The following CSRNP3 variants were observed in gnomAD, a reference collection of about 807,000 sequenced individuals.
CSRNP3 encodes cysteine/serine-rich nuclear protein 3.
CSRNP3 carries 12 observed loss-of-function variants against 48.0 expected under a neutral mutation model. The ratio of observed to expected loss-of-function variants is 0.25; its 90% CI spans 0.16 to 0.41. The LOEUF is 0.41. Among genes scored for constraint, CSRNP3 ranks in the 10% least tolerant of loss-of-function variants. The pLI is 1.00. For synonymous variants in CSRNP3, 263 were observed against 269.7 expected (o/e 0.98, Z 0.24); for missense variants, 580 against 724.4 (o/e 0.80, Z 2.29).
At chr2:165,642,930 T>C (rs765560704) in intron 4 of CSRNP3, among the ~76,000 whole-genome samples, 33 of 152,110 alleles carry the variant, frequency 2.2e-4, no homozygotes, top group African/African-American at 8.0e-4. Context: ...GAAACTCCGA[T>C]AAAGATTGTT....
At chr2:165,477,169 C>A (rs904562762) in intron 1 of CSRNP3, among the ~76,000 whole-genome samples, 1 of 151,806 alleles carries the variant, frequency 6.6e-6, no homozygotes, top group Admixed American at 6.6e-5. Flanking sequence ...AAAATTGGGG[C>A]ATAGATCTCA....
intron 3 of CSRNP3, among the ~76,000 whole-genome samples, chr2:165,563,292 T>G (rs1017162808): frequency 6.6e-6 from 1 of 152,144 alleles, no homozygotes; most frequent in South Asian, 2.1e-4. Flanking sequence ...CTTAGGAGTA[T>G]GCACCTGTAA....
At chr2:165,492,379 C>G (rs925151797) in intron 1 of CSRNP3, among the ~76,000 whole-genome samples, 8 of 152,136 alleles carry the variant, frequency 5.3e-5, no homozygotes, top group African/African-American at 1.9e-4. Context: ...TCTACACAGT[C>G]TAGCCCTGAA....
chr2:165,564,856 A>G lies in CSRNP3; in HGVS notation c.-23-30187A>G, dbSNP rs187734568. 1.6e-4 allele frequency among the ~76,000 whole-genome samples: 24 copies of G among 152,116 alleles called. No individual in the cohort carries two copies. The East Asian group carries it at 4.4e-3, about 28-fold the overall frequency. On this transcript the variant is annotated intron_variant, in intron 3 of 6. Transcript: ENST00000651982. ...ATGTGGTTTCTTAAAATTTTTTTGT[A>G]TTTAAAACTGCATTCTTCTTGTTGC...
intron 3 of CSRNP3, among the ~76,000 whole-genome samples, chr2:165,587,410 G>C (rs562923083): frequency 2.6e-5 from 4 of 152,338 alleles, no homozygotes; most frequent in South Asian, 2.1e-4. Flanking sequence ...CTCTGGAGTA[G>C]TACCCAGCCA....
intron 4 of CSRNP3, among the ~76,000 whole-genome samples, chr2:165,618,734 G>C (rs930213184): frequency 6.6e-6 from 1 of 152,178 alleles, no homozygotes; most frequent in East Asian, 1.9e-4. Context: ...AGAAATAATA[G>C]CCTTCATGGG....
intron 1 of CSRNP3, among the ~76,000 whole-genome samples, chr2:165,480,822 ATATT>A (rs1684031320): frequency 1.4e-5 from 2 of 146,294 alleles, no homozygotes; most frequent in African/African-American, 5.0e-5. Flanking sequence ...TATGTAATAT[ATATT>A]ATAATATATA....
At chr2:165,481,857 C>T (rs1280151787) in intron 1 of CSRNP3, among the ~76,000 whole-genome samples, 5 of 152,086 alleles carry the variant, frequency 3.3e-5, no homozygotes, top group East Asian at 3.9e-4. Context: ...CATGTTCTCA[C>T]TTTTAAGTGG....
At position 165,609,591 on chromosome 2, in the gene CSRNP3, C is replaced by T. The variant is rs1448963194; in HGVS notation, c.148+14378C>T. Among the ~76,000 whole-genome samples the T allele has an allele frequency of 4.1e-5, 6 of 146,704 alleles. No homozygotes were observed. The Admixed American group carries it at 4.1e-4, about 10-fold the overall frequency. On this transcript the variant is annotated intron_variant, in intron 4 of 6. Coordinates refer to ENST00000651982, the MANE Select transcript of CSRNP3 (RefSeq NM_001172173.2). ...CCTTATAAGCTAAAATGAGTGAATA[C>T]AGGCAAAATGCCTTACATTTTACTT...
chr2:165,508,102 T>TA (rs1414104265), intron 2 of CSRNP3, among the ~76,000 whole-genome samples: 1 of 152,008 alleles, frequency 6.6e-6, no homozygotes, highest in Non-Finnish European at 1.5e-5. Context: ...GGATGTCAGT[T>TA]TTTCTTTTTT....
At chr2:165,612,323 G>A (rs1346845190) in intron 4 of CSRNP3, among the ~76,000 whole-genome samples, 1 of 151,838 alleles carries the variant, frequency 6.6e-6, no homozygotes, top group African/African-American at 2.4e-5. Context: ...TAACATTTGG[G>A]GAAAAGTATC....
chr2:165,496,371 A>G (rs1436245965), intron 2 of CSRNP3, among the ~76,000 whole-genome samples: 1 of 152,016 alleles, frequency 6.6e-6, no homozygotes, highest in Non-Finnish European at 1.5e-5. Flanking sequence ...AAGTGACTGT[A>G]ACCTTGTAGA....
intron 5 of CSRNP3, among the ~76,000 whole-genome samples, chr2:165,660,900 T>A (rs530763388): frequency 6.6e-6 from 1 of 152,124 alleles, no homozygotes; most frequent in Non-Finnish European, 1.5e-5. Context: ...TAAAAGATAA[T>A]GACATTTTGA....
intron 3 of CSRNP3, among the ~76,000 whole-genome samples, chr2:165,547,045 TG>T (rs1359393190): frequency 1.3e-5 from 2 of 152,202 alleles, no homozygotes; most frequent in Non-Finnish European, 2.9e-5. Flanking sequence ...CCTTCTTAAT[TG>T]ATAACCACTG....
intron 2 of CSRNP3, among the ~76,000 whole-genome samples, chr2:165,515,790 T>G: frequency 6.8e-6 from 1 of 147,782 alleles, no homozygotes. Flanking sequence ...AATATCTTTT[T>G]CTTTTCCTTT....
chr2:165,566,846 G>A (rs752945704), intron 3 of CSRNP3: 3 of 151,900 alleles, frequency 2.0e-5, no homozygotes, highest in Non-Finnish European at 4.4e-5. Flanking sequence ...GGTTCCAAGA[G>A]TATAGAACTC....
intron 3 of CSRNP3, among the ~76,000 whole-genome samples, chr2:165,567,141 T>C (rs901990491): frequency 1.3e-5 from 2 of 152,108 alleles, no homozygotes; most frequent in African/African-American, 4.8e-5. Flanking sequence ...TTAAACCTGC[T>C]CAGTTCATAT....
At chr2:165,651,817 G>A (rs910318562) in intron 4 of CSRNP3, among the ~76,000 whole-genome samples, 3 of 151,742 alleles carry the variant, frequency 2.0e-5, no homozygotes, top group Non-Finnish European at 2.9e-5. Context: ...CACCAAGCCC[G>A]GCTAATTTTT....
chr2:165,516,814 A>C (rs889886774), intron 2 of CSRNP3, among the ~76,000 whole-genome samples: 4 of 152,100 alleles, frequency 2.6e-5, no homozygotes, highest in Non-Finnish European at 4.4e-5. Context: ...CAGCATATCT[A>C]TGTAGATATT....
Sources: allele counts gnomAD v4.1 joint callset (sites outside exome capture counted in the v4.1 genomes callset), GRCh38; gene constraint gnomAD v4.1.1; transcripts MANE v1.5; gene names NCBI Gene and HGNC (gene_info 2026-07-23, HGNC 2026-07-21).